NEO1: variants seen among roughly 807,000 people sequenced by gnomAD.
NEO1 encodes neogenin.
In NEO1, 63 loss-of-function variants were observed where a neutral mutation model predicts 159.7. The ratio of observed to expected loss-of-function variants is 0.39; its 90% CI spans 0.32 to 0.49. NEO1 has a LOEUF of 0.49. Among genes scored for constraint, NEO1 ranks in the 20% least tolerant of loss-of-function variants. The pLI is 0.85. For missense variants in NEO1, 1,615 were observed against 1,831.0 expected (o/e 0.88, Z 2.15); for synonymous variants, 633 against 662.0 (o/e 0.96, Z 0.67).
At chr15:73,110,406 G>T in intron 1 of NEO1, among the ~76,000 whole-genome samples, 1 of 152,134 alleles carries the variant, frequency 6.6e-6, no homozygotes, top group East Asian at 1.9e-4. Flanking sequence ...TTGGCAATAA[G>T]ACAGGTTTCA....
At chr15:73,236,321 G>A (rs753907165) in intron 7 of NEO1, 26 bp from the exon 8 acceptor site, 7 of 1,613,774 alleles carry the variant, frequency 4.3e-6, no homozygotes, top group Non-Finnish European at 4.2e-6. Context: ...CCACTTCACT[G>A]ACCAGTGCCA....
At chr15:73,099,925 T>A (rs1336939759) in intron 1 of NEO1, among the ~76,000 whole-genome samples, 1 of 152,196 alleles carries the variant, frequency 6.6e-6, no homozygotes, top group African/African-American at 2.4e-5. Flanking sequence ...GCCACGGAAT[T>A]ATATCATTTT....
chr15:73,279,351 G>GTTTTTGTTTTTGTTTTTGTTTTTT (rs2041577119), intron 22 of NEO1, among the ~76,000 whole-genome samples: 2 of 119,348 alleles, frequency 1.7e-5, no homozygotes, highest in African/African-American at 6.0e-5. Flanking sequence ...TTTGGTTTTG[G>GTTTTTGTTTTTGTTTTTGTTTTTT]TTTTTTTTTT....
At chr15:73,239,018 T>C (rs1203432281) in intron 8 of NEO1, among the ~76,000 whole-genome samples, 1 of 152,018 alleles carries the variant, frequency 6.6e-6, no homozygotes, top group Non-Finnish European at 1.5e-5. Flanking sequence ...CTGGGTAATT[T>C]TTGTATTTTT....
intron 5 of NEO1, among the ~76,000 whole-genome samples, chr15:73,157,671 G>C (rs1240489976): frequency 6.6e-6 from 1 of 152,120 alleles, no homozygotes. Flanking sequence ...GAACTCCCAT[G>C]CTCCCTCTTG....
chr15:73,099,855 A>C (rs1354099464), intron 1 of NEO1, among the ~76,000 whole-genome samples: 2 of 152,218 alleles, frequency 1.3e-5, no homozygotes, highest in Non-Finnish European at 2.9e-5. Context: ...GTAATGGCAA[A>C]ATCGCTTTAA....
chr15:73,058,484 T>A (rs2067825891), intron 1 of NEO1, among the ~76,000 whole-genome samples: 1 of 152,230 alleles, frequency 6.6e-6, no homozygotes, highest in African/African-American at 2.4e-5. Flanking sequence ...ATATGGAAGT[T>A]GTTTTTACTG....
At chr15:73,212,097 TC>T (rs1463034279) in intron 7 of NEO1, among the ~76,000 whole-genome samples, 2 of 152,192 alleles carry the variant, frequency 1.3e-5, no homozygotes, top group African/African-American at 4.8e-5. Flanking sequence ...TTAACACTGA[TC>T]ATGTGGTTAA....
At chr15:73,176,687 G>A in intron 6 of NEO1, 130 bp downstream of exon 6, 1 of 632,936 alleles carries the variant, frequency 1.6e-6, no homozygotes, top group Non-Finnish European at 2.5e-6. Flanking sequence ...AATTCACATA[G>A]AATGTAATAC....
At chr15:73,053,185 C>T (rs1183869108) in intron 1 of NEO1, among the ~76,000 whole-genome samples, 1 of 152,104 alleles carries the variant, frequency 6.6e-6, no homozygotes, top group African/African-American at 2.4e-5. Context: ...AACAATCAGA[C>T]GGCCAATTCA....
At chr15:73,121,412 C>T (rs1596052233) in intron 2 of NEO1, among the ~76,000 whole-genome samples, 1 of 152,184 alleles carries the variant, frequency 6.6e-6, no homozygotes, top group East Asian at 1.9e-4. Flanking sequence ...GTTCTCAGTG[C>T]ATCATGCCAA....
At chr15:73,058,128 T>G (rs1045312426) in intron 1 of NEO1, among the ~76,000 whole-genome samples, 1 of 152,192 alleles carries the variant, frequency 6.6e-6, no homozygotes, top group Admixed American at 6.5e-5. Context: ...TACATACAGA[T>G]TTTCCTATAA....
intron 7 of NEO1, among the ~76,000 whole-genome samples, chr15:73,211,774 A>T (rs1181171095): frequency 2.0e-5 from 3 of 152,150 alleles, no homozygotes; most frequent in African/African-American, 7.2e-5. Flanking sequence ...AGAGAAGAGA[A>T]ATATGCAGAG....
At chr15:73,232,176 T>C (rs889099280) in intron 7 of NEO1, among the ~76,000 whole-genome samples, 1 of 152,218 alleles carries the variant, frequency 6.6e-6, no homozygotes, top group Non-Finnish European at 1.5e-5. Flanking sequence ...GGATTCTGAC[T>C]CTTCCTCCCA....
In NEO1 at chr15:73,265,224, G is replaced by A. The variant is rs143208275; in HGVS notation, c.2399-1092G>A. ...AAAACTTGATTGTTTGTCTGGAGGG[G>A]ATGAGGGAAAAGGAGGTCTTAATAA... On this transcript the variant is annotated intron_variant, in intron 15 of 28. Transcript: ENST00000261908. 8.0e-3 allele frequency among the ~76,000 whole-genome samples: 1,218 copies of A among 152,328 alleles called. 5 individuals are homozygous for A. Among genetic ancestry groups the A allele is most frequent in the Middle Eastern group, 0.017 (5 of 294 alleles).
At chr15:73,128,932 A>G (rs1262647186) in intron 4 of NEO1, among the ~76,000 whole-genome samples, 2 of 152,250 alleles carry the variant, frequency 1.3e-5, no homozygotes, top group Non-Finnish European at 2.9e-5. Context: ...TTTTAAGGAT[A>G]AAGCAGTAGA....
At chr15:73,140,752 T>G (rs1031309121) in intron 5 of NEO1, among the ~76,000 whole-genome samples, 3 of 152,294 alleles carry the variant, frequency 2.0e-5, no homozygotes, top group African/African-American at 7.2e-5. Flanking sequence ...TGGCAAATTA[T>G]CAGCAATGAA....
chr15:73,192,765 TATAA>T (rs1452131636), intron 7 of NEO1, among the ~76,000 whole-genome samples: 2 of 151,994 alleles, frequency 1.3e-5, no homozygotes, highest in African/African-American at 4.8e-5. Context: ...GAAGGAAAGA[TATAA>T]ATGTCTGTGT....
At chr15:73,058,115 C>G (rs2067803226) in intron 1 of NEO1, among the ~76,000 whole-genome samples, 1 of 152,054 alleles carries the variant, frequency 6.6e-6, no homozygotes, top group Non-Finnish European at 1.5e-5. Context: ...CGTTCCATGC[C>G]AGTACATACA....
Sources: allele counts gnomAD v4.1 joint callset (sites outside exome capture counted in the v4.1 genomes callset), GRCh38; gene constraint gnomAD v4.1.1; transcripts MANE v1.5; gene names NCBI Gene and HGNC (gene_info 2026-07-23, HGNC 2026-07-21).